The following PDE3B variants were observed in gnomAD, a reference collection of about 807,000 sequenced individuals.
The protein encoded by PDE3B is phosphodiesterase 3B.
PDE3B carries 66 observed loss-of-function variants against 116.8 expected under a neutral mutation model. The observed-to-expected ratio is 0.56, with a 90% CI of 0.46 to 0.69. The LOEUF (loss-of-function observed/expected upper bound fraction) is 0.69. PDE3B is among the 30% of genes least tolerant of loss of function. PDE3B has a pLI of 0.00. For missense variants in PDE3B, 1,384 were observed against 1,368.1 expected, an observed-to-expected ratio of 1.01 and a Z score of -0.18; for synonymous variants, 595 against 533.6, an observed-to-expected ratio of 1.12 and a Z score of -1.59.
chr11:14,838,542 T>C (rs1197380597), intron 11 of PDE3B, among the ~76,000 whole-genome samples: 1 of 152,230 alleles, frequency 6.6e-6, no homozygotes, highest in Non-Finnish European at 1.5e-5. Flanking sequence ...TCTCCTTGTG[T>C]TGATTGCCTG....
the PDE3B span, chr11:14,891,333 T>C: frequency 1.0e-6 from 1 of 985,314 alleles, no homozygotes; most frequent in African/African-American, 1.7e-5. Context: ...TCTGCTAAGG[T>C]GCCGTTCCCA....
intron 1 of PDE3B, among the ~76,000 whole-genome samples, chr11:14,701,933 A>G (rs1418297245): frequency 6.7e-6 from 1 of 149,000 alleles, no homozygotes; most frequent in African/African-American, 2.5e-5. Flanking sequence ...CTTTTTTTCA[A>G]CCTTTGTGCT....
chr11:14,882,298 T>TA, the PDE3B span, among the ~76,000 whole-genome samples: 32 of 152,002 alleles, frequency 2.1e-4, no homozygotes, highest in Non-Finnish European at 4.0e-4. Context: ...CGTAAAAAGA[T>TA]ATAGGGTAGT....
the PDE3B span, among the ~76,000 whole-genome samples, chr11:14,879,863 T>C: frequency 2.6e-5 from 4 of 152,158 alleles, no homozygotes; most frequent in Non-Finnish European, 1.5e-5. Flanking sequence ...TAAAATTCTA[T>C]CAGAGTTCAG....
chr11:14,754,590 A>G (rs1590116874), intron 1 of PDE3B, among the ~76,000 whole-genome samples: 2 of 152,294 alleles, frequency 1.3e-5, no homozygotes. Context: ...ATACTTTTGT[A>G]TATGACAACG....
At chr11:14,743,367 A>G (rs1205687632) in intron 1 of PDE3B, among the ~76,000 whole-genome samples, 2 of 152,118 alleles carry the variant, frequency 1.3e-5, no homozygotes, top group East Asian at 3.9e-4. Flanking sequence ...CTGTGAGGGG[A>G]AAACCGCCTA....
At chr11:14,816,478 T>C (rs937530181) in intron 5 of PDE3B, among the ~76,000 whole-genome samples, 1 of 152,212 alleles carries the variant, frequency 6.6e-6, no homozygotes, top group Non-Finnish European at 1.5e-5. Flanking sequence ...ATACCCACAC[T>C]GCTTTAGTTT....
intron 1 of PDE3B, among the ~76,000 whole-genome samples, chr11:14,671,009 T>A (rs1854349338): frequency 6.6e-6 from 1 of 152,106 alleles, no homozygotes. Flanking sequence ...GCCCAGCATA[T>A]TTAACAATAT....
At chr11:14,874,971 A>G (rs184086341), downstream of PDE3B, among the ~76,000 whole-genome samples, 1,182 of 152,244 alleles carry the variant, frequency 7.8e-3, 14 homozygotes, top group South Asian at 0.031. Context: ...ATCAGACGAA[A>G]TTAGGGAGCC....
chr11:14,685,121 A>G (rs1464683684), intron 1 of PDE3B, among the ~76,000 whole-genome samples: 1 of 152,154 alleles, frequency 6.6e-6, no homozygotes, highest in Non-Finnish European at 1.5e-5. Flanking sequence ...TTAAAATGAA[A>G]TCTTCACAAT....
At chr11:14,817,256 G>A (rs1231650311) in intron 5 of PDE3B, among the ~76,000 whole-genome samples, 1 of 151,714 alleles carries the variant, frequency 6.6e-6, no homozygotes, top group African/African-American at 2.4e-5. Context: ...TGGACACAGG[G>A]TGGGGAACAT....
At chr11:14,802,140 G>A in intron 4 of PDE3B, among the ~76,000 whole-genome samples, 1 of 152,182 alleles carries the variant, frequency 6.6e-6, no homozygotes, top group East Asian at 1.9e-4. Context: ...GGGGAGTATA[G>A]GGTTCTGTCT....
At chr11:14,853,499 C>G (rs570967347) in intron 12 of PDE3B, among the ~76,000 whole-genome samples, 1 of 152,302 alleles carries the variant, frequency 6.6e-6, no homozygotes, top group African/African-American at 2.4e-5. Context: ...CCTTCTTCAA[C>G]TAGCACCTGT....
At chr11:14,853,079 C>T (rs1847786264) in intron 12 of PDE3B, among the ~76,000 whole-genome samples, 1 of 147,766 alleles carries the variant, frequency 6.8e-6, no homozygotes, top group Non-Finnish European at 1.5e-5. Flanking sequence ...CATCTCTGTC[C>T]CTTTCTGAGA....
intron 11 of PDE3B, among the ~76,000 whole-genome samples, chr11:14,838,740 G>A (rs1298281172): frequency 6.6e-6 from 1 of 152,144 alleles, no homozygotes; most frequent in Non-Finnish European, 1.5e-5. Flanking sequence ...AGAAACCTGG[G>A]GGATATATGT....
At chr11:14,782,244 A>G (rs1478349116) in intron 2 of PDE3B, among the ~76,000 whole-genome samples, 1 of 152,218 alleles carries the variant, frequency 6.6e-6, no homozygotes, top group Non-Finnish European at 1.5e-5. Context: ...TTCTTCACAG[A>G]ATTGGAAAAA....
Position 14,804,047 on chromosome 11 carries a change from G to T in PDE3B, c.1519G>T (p.Ala507Ser), listed in dbSNP as rs761839584. 1.0e-5 allele frequency: 16 copies of T among 1,565,426 alleles called. 1 individual carries two copies. In the Admixed American group the frequency reaches 2.0e-4, roughly 20 times the overall value. ...SLTHHVGLRR[A>S]GVLSSLSPVN... ...GACTCACCATGTAGGTCTCAGAAGA[G>T]CTGGTAAGAAATCATTCTTTATGAC... Residue 507 changes from alanine to serine, a missense_variant, in exon 5 of 16, where the codon GCT (alanine) becomes TCT (serine). By Grantham distance (99) the Ala-to-Ser change is moderately conservative. This residue lies in a region of PDE3B where 956 missense variants were observed against 806.8 expected (regional missense o/e 1.18). Transcript: ENST00000282096.
At chr11:14,746,316 C>T (rs903434638) in intron 1 of PDE3B, among the ~76,000 whole-genome samples, 126 of 152,128 alleles carry the variant, frequency 8.3e-4, no homozygotes, top group African/African-American at 2.7e-3. Context: ...ACCCAGGAGG[C>T]GGAGGTTGCA....
At chr11:14,880,562 T>C in the PDE3B span, 1 of 1,613,424 alleles carries the variant, frequency 6.2e-7, no homozygotes, top group South Asian at 1.1e-5. Flanking sequence ...ATGATCAGAT[T>C]GGTTATGTTT....
Sources: gnomAD v4.1 joint callset for allele counts (sites outside exome capture counted in the v4.1 genomes callset) on GRCh38, gnomAD v4.1.1 for gene constraint, gnomAD v4.1.1 regional missense constraint, MANE v1.5 for transcripts, NCBI Gene and HGNC (gene_info 2026-07-23, HGNC 2026-07-21) for gene names.